Variants in LRP2 observed in about 807,000 individuals in gnomAD.
The protein encoded by LRP2 is low-density lipoprotein receptor-related protein 2.
LRP2 carries 172 observed loss-of-function variants against 531.0 expected under a neutral mutation model. The ratio of observed to expected loss-of-function variants is 0.32; its 90% CI spans 0.29 to 0.37. The LOEUF (loss-of-function observed/expected upper bound fraction) is 0.37, where lower values mean the gene tolerates loss of function less well. Ranked by LOEUF, LRP2 falls within the 10% of genes least tolerant of loss-of-function variation. LRP2 has a pLI of 1.00. For synonymous variants in LRP2, 1,992 were observed against 2,027.6 expected (o/e 0.98, Z 0.47); for missense variants, 5,167 against 5,868.3 (o/e 0.88, Z 3.90).
chr2:169,171,878 G>A (rs1025990248), intron 58 of LRP2, 137 bp downstream of exon 58: 9 of 1,039,368 alleles, frequency 8.7e-6, no homozygotes, highest in East Asian at 2.4e-5. Flanking sequence ...GTACTGACCA[G>A]CAGAAAGAAA....
chr2:169,330,487 C>T (rs1012576152), intron 1 of LRP2, among the ~76,000 whole-genome samples: 2 of 152,124 alleles, frequency 1.3e-5, no homozygotes, highest in Admixed American at 6.5e-5. Context: ...GCTCTTACAT[C>T]CCACTTGTTT....
intron 3 of LRP2, among the ~76,000 whole-genome samples, chr2:169,313,885 T>C (rs1263288030): frequency 1.3e-5 from 2 of 152,222 alleles, no homozygotes; most frequent in Non-Finnish European, 2.9e-5. Flanking sequence ...TTCATGTTTT[T>C]GTCCATTAGT....
intron 71 of LRP2, among the ~76,000 whole-genome samples, chr2:169,141,687 C>T (rs1294016196): frequency 1.3e-5 from 2 of 152,182 alleles, no homozygotes; most frequent in Non-Finnish European, 2.9e-5. Flanking sequence ...ACTGCTCCCA[C>T]GATGTGAAAT....
intron 49 of LRP2, 52 bp downstream of exon 49, chr2:169,187,918 T>A: frequency 6.3e-7 from 1 of 1,577,798 alleles, no homozygotes; most frequent in Non-Finnish European, 8.7e-7. Flanking sequence ...GGGTTGAGAA[T>A]CCATATTCAG....
Position 169,188,101 on chromosome 2 carries a change from T to A in LRP2, c.9197A>T (p.His3066Leu), listed in dbSNP as rs781234969. 4 of 1,614,126 alleles carry A rather than the reference T, an allele frequency of 2.5e-6. No homozygotes were observed. The highest frequency in any genetic ancestry group is 3.4e-6 in the Non-Finnish European group (4 of 1,180,028). The change falls in exon 49 of 79, where the codon CAC (histidine) becomes CTC (leucine). Residue 3066 changes from histidine (H) to leucine (L), a missense_variant. Coordinates refer to ENST00000649046, the MANE Select transcript of LRP2 (RefSeq NM_004525.3). ...DCGDGSDELM[H>L]LCHTPEPTCP... is the part of the protein sequence containing the mutation. ...CGTGGGTTCTGGGGTGTGGCACAGG[T>A]GCATCAGCTCATCAGATCCGTCTCC...
intron 1 of LRP2, among the ~76,000 whole-genome samples, chr2:169,344,726 T>TA (rs1469837663): frequency 5.3e-5 from 8 of 152,324 alleles, no homozygotes; most frequent in African/African-American, 1.9e-4. Flanking sequence ...AATAAAAGCT[T>TA]ATCCTAGAGT....
chr2:169,219,773 C>T (rs1352232487), intron 34 of LRP2, among the ~76,000 whole-genome samples: 1 of 152,052 alleles, frequency 6.6e-6, no homozygotes, highest in Non-Finnish European at 1.5e-5. Flanking sequence ...ACCCATGTAA[C>T]AAACCTGCAC....
At chr2:169,336,807 C>T (rs930771892) in intron 1 of LRP2, among the ~76,000 whole-genome samples, 11 of 152,176 alleles carry the variant, frequency 7.2e-5, no homozygotes, top group African/African-American at 2.7e-4. Flanking sequence ...TGGCTATCCT[C>T]AAGCAAGCCA....
intron 64 of LRP2, 41 bp downstream of exon 64, chr2:169,157,330 T>C (rs1271398481): frequency 6.2e-7 from 1 of 1,604,574 alleles, no homozygotes; most frequent in Non-Finnish European, 8.5e-7. Context: ...ACCTTAGATG[T>C]AAAGTTCACC....
chr2:169,283,347 C>T (rs1285317520), intron 9 of LRP2, among the ~76,000 whole-genome samples: 1 of 152,202 alleles, frequency 6.6e-6, no homozygotes, highest in African/African-American at 2.4e-5. Flanking sequence ...TGCTTTCCAA[C>T]ATGGCAGCCA....
At chr2:169,288,075 A>C (rs1683905402) in intron 9 of LRP2, among the ~76,000 whole-genome samples, 1 of 152,108 alleles carries the variant, frequency 6.6e-6, no homozygotes, top group African/African-American at 2.4e-5. Flanking sequence ...GAATAGTTTC[A>C]ATTGCCTTCC....
chr2:169,233,431 T>A lies in LRP2; in HGVS notation c.5078A>T (p.His1693Leu). The A allele has an allele frequency of 1.2e-6, 2 of 1,614,198 alleles. No homozygotes were observed. The highest frequency in any genetic ancestry group is 1.7e-6 in the Non-Finnish European group (2 of 1,180,020). Residue 1693 changes from histidine (H) to leucine (L), a missense_variant, in exon 30 of 79, where the codon CAT becomes CTT. This residue lies in a region of LRP2 where 2,811 missense variants were observed against 3,058.0 expected (regional missense o/e 0.92). Transcript: ENST00000649046. Reference protein sequence around the residue: ...IQWPLGIVAVHPSKQPNSVNP... With the variant: ...IQWPLGIVAVLPSKQPNSVNP... ...CTCACAATTTGGTTGTTTCGAAGGATGAACCGCAACAATCCCAAGGGGCCA... is the reference window on the plus strand; with the variant it reads ...CTCACAATTTGGTTGTTTCGAAGGAAGAACCGCAACAATCCCAAGGGGCCA...
At chr2:169,298,669 G>A (rs545527255) in intron 4 of LRP2, among the ~76,000 whole-genome samples, 1 of 152,172 alleles carries the variant, frequency 6.6e-6, no homozygotes, top group Non-Finnish European at 1.5e-5. Context: ...TAGGAAGAAG[G>A]GAAAAGTGAG....
chr2:169,191,651 C>T (rs898688987), intron 48 of LRP2, among the ~76,000 whole-genome samples, 181 bp downstream of exon 48: 1 of 151,772 alleles, frequency 6.6e-6, no homozygotes, highest in Non-Finnish European at 1.5e-5. Flanking sequence ...TATTAAAATA[C>T]TTTCTTTGAT....
rs1362315808 is a variant in LRP2 at position 169,174,056 on chromosome 2, T to C, written c.10877A>G (p.Asp3626Gly). Residue 3626 changes from aspartate (D) to glycine (G), a missense_variant, in exon 56 of 79, where the codon GAC becomes GGC. Around this residue, in one of 6 missense-constraint regions of LRP2, gnomAD observed 311 missense variants for 309.4 expected, o/e 1.01. Transcript: ENST00000649046. ...FNDCEDNSDE[D>G]SSHCASRTCR... ...GGTCCTGCTGGCACAGTGGGAACTG[T>C]CTTCATCTGAGTTATCCTCACAGTC... is the stretch of plus-strand genomic sequence containing the variant. The C allele has an allele frequency of 6.2e-7, 1 of 1,614,194 alleles. No homozygotes were observed. The highest frequency in any genetic ancestry group is 1.3e-5 in the African/African-American group (1 of 75,050).
chr2:169,157,546 AT>A (rs1558984468), intron 63 of LRP2, 44 bp from the exon 64 acceptor site: 1 of 1,607,842 alleles, frequency 6.2e-7, no homozygotes, highest in Non-Finnish European at 8.5e-7. Context: ...TCAGCCACAA[AT>A]AACAGTCAAG....
chr2:169,321,429 C>CA (rs1559074183), intron 1 of LRP2, among the ~76,000 whole-genome samples: 80 of 147,388 alleles, frequency 5.4e-4, no homozygotes, highest in African/African-American at 2.0e-3. Context: ...AAAACAAGGA[C>CA]GTAAATTTTT....
At chr2:169,346,193 C>T (rs1685693067) in intron 1 of LRP2, among the ~76,000 whole-genome samples, 1 of 152,224 alleles carries the variant, frequency 6.6e-6, no homozygotes, top group African/African-American at 2.4e-5. Flanking sequence ...TATGATCCTT[C>T]TTAGCCCAAG....
At chr2:169,209,172 AC>A (rs1424965166) in intron 38 of LRP2, among the ~76,000 whole-genome samples, 2 of 152,202 alleles carry the variant, frequency 1.3e-5, no homozygotes, top group Non-Finnish European at 2.9e-5. Context: ...TGTAAAAAAA[AC>A]AAATCCACAT....
Sources: gnomAD v4.1 joint callset for allele counts (sites outside exome capture counted in the v4.1 genomes callset) on GRCh38, gnomAD v4.1.1 for gene constraint, gnomAD v4.1.1 regional missense constraint, MANE v1.5 for transcripts, NCBI Gene and HGNC (gene_info 2026-07-23, HGNC 2026-07-21) for gene names.